Variants in SLC9A1 observed in about 807,000 individuals in gnomAD.
SLC9A1 encodes the protein solute carrier family 9 member A1.
In SLC9A1, 22 loss-of-function variants were observed where a neutral mutation model predicts 67.9. The observed-to-expected ratio is 0.32, with a 90% confidence interval of 0.23 to 0.46. The LOEUF is 0.46. SLC9A1 is among the 20% of genes least tolerant of loss of function. SLC9A1 has a pLI of 1.00. For synonymous variants in SLC9A1, 421 were observed against 471.8 expected (o/e 0.89, Z 1.40); for missense variants, 686 against 1,094.8 (o/e 0.63, Z 5.27).
chr1:27,151,477 T>C (rs1254216536), intron 1 of SLC9A1, among the ~76,000 whole-genome samples: 1 of 152,074 alleles, frequency 6.6e-6, no homozygotes, highest in African/African-American at 2.4e-5. Flanking sequence ...CCTCCTGCCT[T>C]GGCCTCCAGA....
chr1:27,126,469 GC>G (rs1557748073), intron 1 of SLC9A1, among the ~76,000 whole-genome samples: 1 of 152,200 alleles, frequency 6.6e-6, no homozygotes, highest in East Asian at 1.9e-4. Flanking sequence ...CCCTTGGAGA[GC>G]CACTCTTCCA....
intron 1 of SLC9A1, among the ~76,000 whole-genome samples, chr1:27,134,498 C>T (rs1473970825): frequency 6.6e-6 from 1 of 152,118 alleles, no homozygotes; most frequent in East Asian, 1.9e-4. Context: ...GGCATTTAAG[C>T]CTGAGAACAT....
At chr1:27,153,344 T>A (rs2083543258) in intron 1 of SLC9A1, among the ~76,000 whole-genome samples, 1 of 152,084 alleles carries the variant, frequency 6.6e-6, no homozygotes, top group East Asian at 1.9e-4. Flanking sequence ...TTCTATAAAG[T>A]ATGGCATTCC....
chr1:27,135,669 G>A (rs914888836), intron 1 of SLC9A1, among the ~76,000 whole-genome samples: 1 of 152,064 alleles, frequency 6.6e-6, no homozygotes, highest in African/African-American at 2.4e-5. Context: ...AATGCTCAGA[G>A]CAGCTTTATT....
intron 1 of SLC9A1, among the ~76,000 whole-genome samples, chr1:27,149,150 C>T (rs137971773): frequency 6.6e-6 from 1 of 152,296 alleles, no homozygotes; most frequent in Non-Finnish European, 1.5e-5. Flanking sequence ...GACATGTGCC[C>T]AACTCCTAGA....
In SLC9A1 at chr1:27,109,488, C is replaced by G. The variant is rs763653253; in HGVS notation, c.1064+39G>C. On this transcript the variant is annotated intron_variant, in intron 3 of 11. Coordinates refer to ENST00000263980, the MANE Select transcript of SLC9A1 (RefSeq NM_003047.5). This position sits in a 1 kb window ranked among gnomAD's most constrained non-coding sequence, Gnocchi z 5.5. ...AATCCAAGCTGGCAGCCCCCGCCCCCACCCCGCCAAGCCCACTGCCTGCTG... is the reference window on the plus strand; with the variant it reads ...AATCCAAGCTGGCAGCCCCCGCCCCGACCCCGCCAAGCCCACTGCCTGCTG... The G allele has an allele frequency of 1.9e-6, 3 of 1,603,258 alleles. No individual in the cohort carries two copies. The highest frequency in any genetic ancestry group is 2.6e-6 in the Non-Finnish European group (3 of 1,176,456).
intron 1 of SLC9A1, among the ~76,000 whole-genome samples, chr1:27,132,962 A>G (rs2083396112): frequency 6.6e-6 from 1 of 152,040 alleles, no homozygotes; most frequent in Non-Finnish European, 1.5e-5. Flanking sequence ...AGTGGGACCC[A>G]CCTGGCCCCG....
chr1:27,122,239 G>A, intron 1 of SLC9A1, among the ~76,000 whole-genome samples: 1 of 152,284 alleles, frequency 6.6e-6, no homozygotes, highest in Non-Finnish European at 1.5e-5. Context: ...CTGAGGAGCT[G>A]TGTTCGGTGC....
At chr1:27,129,768 C>G (rs532339559) in intron 1 of SLC9A1, among the ~76,000 whole-genome samples, 1 of 152,200 alleles carries the variant, frequency 6.6e-6, no homozygotes, top group South Asian at 2.1e-4. Context: ...CCAACCCCCC[C>G]ATTCCACTCC....
intron 1 of SLC9A1, among the ~76,000 whole-genome samples, chr1:27,127,146 G>A (rs988225946): frequency 1.3e-5 from 2 of 152,090 alleles, no homozygotes; most frequent in Non-Finnish European, 1.5e-5. Flanking sequence ...GACTACAGGC[G>A]CGTGCCACCA....
At chr1:27,116,311 G>C (rs562362804) in intron 1 of SLC9A1, among the ~76,000 whole-genome samples, 1 of 152,116 alleles carries the variant, frequency 6.6e-6, no homozygotes, top group East Asian at 1.9e-4. Flanking sequence ...AGTGAGCCGA[G>C]ATCACGCCAC....
At chr1:27,127,202 A>G (rs765777608) in intron 1 of SLC9A1, among the ~76,000 whole-genome samples, 3 of 152,116 alleles carry the variant, frequency 2.0e-5, no homozygotes, top group Non-Finnish European at 2.9e-5. Context: ...GGGTTTTGCC[A>G]TGTTGCCCAG....
At chr1:27,107,896 C>T (rs746395360) in intron 3 of SLC9A1, 31 bp from the exon 4 acceptor site, 17 of 1,503,600 alleles carry the variant, frequency 1.1e-5, no homozygotes, top group East Asian at 2.3e-5. Flanking sequence ...GTCAGGGCTC[C>T]GTGTCGAGCT....
Position 27,106,502 on chromosome 1 carries a change from A to C in SLC9A1, c.1283-415T>G, listed in dbSNP as rs1391125544. 6.6e-6 allele frequency among the ~76,000 whole-genome samples: 1 copy of C among 152,150 alleles called. No homozygotes were observed. Among genetic ancestry groups the C allele is most frequent in the African/African-American group, 2.4e-5 (1 of 41,414 alleles). On this transcript the variant is annotated intron_variant, in intron 4 of 11. Coordinates refer to ENST00000263980, the MANE Select transcript of SLC9A1 (RefSeq NM_003047.5). The surrounding 1 kb of genome is among the most constrained non-coding windows in gnomAD (Gnocchi z 4.3). ...ATAAAAAATGCAGAGGGCTGGGCCC[A>C]ACCTCCACCCACAGAACCAGAATCC...
Position 27,113,828 on chromosome 1 carries a change from C to A in SLC9A1, c.811G>T (p.Val271Leu). Residue 271 changes from valine to leucine, a missense_variant and splice_region_variant, in exon 2 of 12, where the codon GTG becomes TTG. By Grantham distance (32) the Val-to-Leu change is conservative (BLOSUM62 1). This residue lies in a region of SLC9A1 where 13 missense variants were observed against 56.6 expected (regional missense o/e 0.23). Transcript: ENST00000263980. ...GGCATGGCCCCTGGCCTCCTCACCA[C>A]AGTGACGGCGTCATTGAGCAAGGAC... ...GESLLNDAVT[V>L]VLYHLFEEFA... The A allele has an allele frequency of 6.2e-7, 1 of 1,610,094 alleles. No individual in the cohort carries two copies. Among genetic ancestry groups the A allele is most frequent in the Non-Finnish European group, 8.5e-7 (1 of 1,177,140 alleles).
At chr1:27,120,567 G>A (rs150981878) in intron 1 of SLC9A1, among the ~76,000 whole-genome samples, 3,445 of 151,688 alleles carry the variant, frequency 0.023, 125 homozygotes, top group African/African-American at 0.076. Flanking sequence ...GCGAAACCTC[G>A]TCTCTACGAA....
intron 1 of SLC9A1, among the ~76,000 whole-genome samples, chr1:27,124,788 C>T (rs2083330068): frequency 6.6e-6 from 1 of 152,000 alleles, no homozygotes; most frequent in Admixed American, 6.6e-5. Context: ...TTTTAGTGAC[C>T]TCTCAGAAGG....
intron 2 of SLC9A1, among the ~76,000 whole-genome samples, chr1:27,111,863 A>G (rs1167132494): frequency 2.0e-5 from 3 of 152,178 alleles, no homozygotes; most frequent in Non-Finnish European, 4.4e-5. Flanking sequence ...GAAGCACCCA[A>G]TGAACACCAG....
intron 1 of SLC9A1, among the ~76,000 whole-genome samples, chr1:27,146,895 G>T (rs767540835): frequency 6.6e-6 from 1 of 152,200 alleles, no homozygotes; most frequent in Non-Finnish European, 1.5e-5. Flanking sequence ...CAGCACTTTG[G>T]GGGGCCGGGA....
Sources: allele counts gnomAD v4.1 joint callset (sites outside exome capture counted in the v4.1 genomes callset), GRCh38; gene constraint gnomAD v4.1.1; regional missense constraint gnomAD v4.1.1; non-coding constraint Gnocchi (gnomAD v3.1); transcripts MANE v1.5; gene names NCBI Gene and HGNC (gene_info 2026-07-23, HGNC 2026-07-21).